The following PTPRM variants were observed in gnomAD, a reference collection of about 807,000 sequenced individuals.
The protein encoded by PTPRM is protein tyrosine phosphatase receptor type M.
In PTPRM, 47 loss-of-function variants were observed where a neutral mutation model predicts 186.7. The ratio of observed to expected loss-of-function variants is 0.25; its 90% confidence interval spans 0.20 to 0.32. The LOEUF (loss-of-function observed/expected upper bound fraction) is 0.32, where lower values mean the gene tolerates loss of function less well. Among genes scored for constraint, PTPRM ranks in the 10% least tolerant of loss-of-function variants. The pLI is 1.00. For missense variants in PTPRM, 1,494 were observed against 1,865.0 expected, an observed-to-expected ratio of 0.80 and a Z score of 3.66; for synonymous variants, 668 against 674.9, an observed-to-expected ratio of 0.99 and a Z score of 0.16.
intron 1 of PTPRM, among the ~76,000 whole-genome samples, chr18:7,690,875 C>T (rs2039717108): frequency 6.6e-6 from 1 of 152,146 alleles, no homozygotes; most frequent in African/African-American, 2.4e-5. Flanking sequence ...CAAGTGTATA[C>T]TTCTTTTCTG....
intron 14 of PTPRM, among the ~76,000 whole-genome samples, chr18:8,241,837 A>G (rs2094436835): frequency 6.6e-6 from 1 of 152,216 alleles, no homozygotes; most frequent in Non-Finnish European, 1.5e-5. Flanking sequence ...GACATACAGT[A>G]TGTCCTATGG....
chr18:7,943,351 G>A (rs1327323310), intron 5 of PTPRM, among the ~76,000 whole-genome samples: 2 of 152,064 alleles, frequency 1.3e-5, no homozygotes, highest in Non-Finnish European at 2.9e-5. Context: ...TGCCTCCATG[G>A]TTGCTGTCTT....
intron 23 of PTPRM, among the ~76,000 whole-genome samples, chr18:8,359,174 T>A (rs1489622654): frequency 6.6e-6 from 1 of 152,252 alleles, no homozygotes; most frequent in East Asian, 1.9e-4. Flanking sequence ...CAATTCTTTA[T>A]GTGCTATAAG....
intron 1 of PTPRM, among the ~76,000 whole-genome samples, chr18:7,626,801 C>T (rs1188162339): frequency 6.6e-6 from 1 of 152,130 alleles, no homozygotes; most frequent in African/African-American, 2.4e-5. Context: ...GTAATCCCCC[C>T]AATTTGGCCT....
At chr18:8,173,877 T>C (rs780993279) in intron 14 of PTPRM, among the ~76,000 whole-genome samples, 5 of 152,202 alleles carry the variant, frequency 3.3e-5, no homozygotes, top group Non-Finnish European at 7.3e-5. Flanking sequence ...AAGACCAGCC[T>C]GGCCAACATG....
chr18:7,855,556 C>T (rs1391884763), intron 2 of PTPRM, among the ~76,000 whole-genome samples: 1 of 152,238 alleles, frequency 6.6e-6, no homozygotes, highest in Non-Finnish European at 1.5e-5. Flanking sequence ...CATTTCCACC[C>T]TCTACTAAAT....
At chr18:8,159,757 G>T (rs2093192670) in intron 14 of PTPRM, among the ~76,000 whole-genome samples, 1 of 152,014 alleles carries the variant, frequency 6.6e-6, no homozygotes, top group East Asian at 1.9e-4. Flanking sequence ...ATCTAGTCTA[G>T]TGTTTTCCAT....
chr18:7,851,517 A>G (rs949286309), intron 2 of PTPRM, among the ~76,000 whole-genome samples: 3 of 152,216 alleles, frequency 2.0e-5, no homozygotes, highest in Non-Finnish European at 4.4e-5. Context: ...AGCAGAAATA[A>G]TGGAAGCTAC....
chr18:7,973,715 C>A (rs184617074), intron 7 of PTPRM, among the ~76,000 whole-genome samples: 3 of 152,038 alleles, frequency 2.0e-5, no homozygotes, highest in Admixed American at 6.5e-5. Flanking sequence ...TCAATTATAT[C>A]TTTTAGGGCT....
At chr18:7,891,461 T>C (rs1289821534) in intron 3 of PTPRM, among the ~76,000 whole-genome samples, 1 of 151,958 alleles carries the variant, frequency 6.6e-6, no homozygotes, top group East Asian at 1.9e-4. Flanking sequence ...AGAAGGAAAA[T>C]ATCTTTTTAA....
At chr18:7,895,762 T>C (rs2049322727) in intron 3 of PTPRM, among the ~76,000 whole-genome samples, 1 of 152,214 alleles carries the variant, frequency 6.6e-6, no homozygotes, top group Non-Finnish European at 1.5e-5. Flanking sequence ...GGCAAAGTTT[T>C]CAGGCAATCT....
chr18:7,772,589 G>C (rs1053756465), intron 1 of PTPRM, among the ~76,000 whole-genome samples: 12 of 151,634 alleles, frequency 7.9e-5, no homozygotes, highest in Non-Finnish European at 1.6e-4. Flanking sequence ...TTTTAAGGGG[G>C]GATGTTCTAC....
At chr18:7,665,796 C>T (rs1568015554) in intron 1 of PTPRM, among the ~76,000 whole-genome samples, 1 of 151,922 alleles carries the variant, frequency 6.6e-6, no homozygotes. Flanking sequence ...GTGGTGCATG[C>T]CTATAGTCTC....
chr18:7,871,667 C>G (rs1476694619), intron 2 of PTPRM, among the ~76,000 whole-genome samples: 3 of 152,154 alleles, frequency 2.0e-5, no homozygotes, highest in Non-Finnish European at 4.4e-5. Context: ...GCTCAGAGTT[C>G]CCTTTCTCTA....
At chr18:7,995,646 C>T (rs2083492845) in intron 7 of PTPRM, 1 of 152,122 alleles carries the variant, frequency 6.6e-6, no homozygotes, top group Non-Finnish European at 1.5e-5. Context: ...CACTGGAAAC[C>T]ATGAGGAGGA....
rs189417267 is a variant in PTPRM, at chr18:7,711,712, T to G, written c.74-62437T>G. Among the ~76,000 whole-genome samples, 6 of 152,220 alleles carry G rather than the reference T, an allele frequency of 3.9e-5. No individual in the cohort carries two copies. The East Asian group carries it at 1.2e-3, about 29-fold the overall frequency. Reference sequence around the variant, plus strand: ...TCCCCTCACAGTGTGTAACAAAGCCTGGGGGAAGTTCCAATGGGGCGGAGG... The same window carrying G: ...TCCCCTCACAGTGTGTAACAAAGCCGGGGGGAAGTTCCAATGGGGCGGAGG... On this transcript the variant is annotated intron_variant, in intron 1 of 32. Transcript: ENST00000580170.
At chr18:7,931,123 C>G (rs1180291346) in intron 5 of PTPRM, among the ~76,000 whole-genome samples, 2 of 152,114 alleles carry the variant, frequency 1.3e-5, no homozygotes, top group Non-Finnish European at 2.9e-5. Flanking sequence ...CTTGAAGATA[C>G]TTGTGATATG....
intron 1 of PTPRM, among the ~76,000 whole-genome samples, chr18:7,718,993 C>G (rs988284500): frequency 1.3e-5 from 2 of 152,188 alleles, no homozygotes; most frequent in South Asian, 2.1e-4. Context: ...TATGGAGATT[C>G]TCTAAAGAAC....
chr18:7,568,935 A>G lies in PTPRM; in HGVS notation c.73+1044A>G, dbSNP rs1198946525. Among the ~76,000 whole-genome samples, 1 of 152,078 alleles carries G rather than the reference A, an allele frequency of 6.6e-6. No individual in the cohort carries two copies. Among genetic ancestry groups the G allele is most frequent in the African/African-American group, 2.4e-5 (1 of 41,416 alleles). The stretch of plus-strand genomic sequence containing the variant: ...TTTGCACACCTTCTTTCTAGTGTTT[A>G]TTAGATTAGTTTCATTAAGGTCCAC... On this transcript the variant is annotated intron_variant, in intron 1 of 32. Transcript: ENST00000580170. This position sits in a 1 kb window ranked among gnomAD's most constrained non-coding sequence, Gnocchi z 5.1.
Sources: allele counts gnomAD v4.1 joint callset (sites outside exome capture counted in the v4.1 genomes callset), GRCh38; gene constraint gnomAD v4.1.1; non-coding constraint Gnocchi (gnomAD v3.1); transcripts MANE v1.5; gene names NCBI Gene and HGNC (gene_info 2026-07-23, HGNC 2026-07-21).